Variants in RANBP2 observed in about 807,000 individuals in gnomAD.
The protein encoded by RANBP2 is E3 SUMO-protein ligase RanBP2.
A neutral mutation model predicts 303.6 loss-of-function variants in RANBP2; 57 were observed. That is an observed-to-expected ratio of 0.19 (90% CI 0.15 to 0.23). The LOEUF (loss-of-function observed/expected upper bound fraction) is 0.23, where lower values mean the gene tolerates loss of function less well. Among genes scored for constraint, RANBP2 ranks in the 10% least tolerant of loss-of-function variants. The pLI, the probability that RANBP2 is intolerant of heterozygous loss-of-function variation, is 1.00. For missense variants in RANBP2, 3,138 were observed against 3,780.8 expected, an observed-to-expected ratio of 0.83 and a Z score of 4.46; for synonymous variants, 1,167 against 1,301.5, an observed-to-expected ratio of 0.90 and a Z score of 2.23.
the RANBP2 span, among the ~76,000 whole-genome samples, chr2:109,375,195 C>T: frequency 1.3e-5 from 2 of 152,270 alleles, no homozygotes; most frequent in African/African-American, 4.8e-5. Context: ...GTGCTGTGCT[C>T]ACCGGAGATA....
chr2:108,922,657 C>T, the RANBP2 span, among the ~76,000 whole-genome samples: 1 of 152,266 alleles, frequency 6.6e-6, no homozygotes, highest in Non-Finnish European at 1.5e-5. Flanking sequence ...GGGTCAGCTC[C>T]TCCTCCACCC....
chr2:109,311,502 T>G, the RANBP2 span, among the ~76,000 whole-genome samples: 44,305 of 147,800 alleles, frequency 0.3, 7,849 homozygotes, highest in African/African-American at 0.53. Flanking sequence ...GGGCAATTAG[T>G]CAGGAGAAGG....
chr2:109,411,535 A>C, the RANBP2 span, among the ~76,000 whole-genome samples: 6 of 152,166 alleles, frequency 3.9e-5, no homozygotes, highest in Non-Finnish European at 7.4e-5. Flanking sequence ...AGCAACAGAG[A>C]CCAGATTCAG....
At chr2:109,125,990 C>G in the RANBP2 span, among the ~76,000 whole-genome samples, 1 of 152,188 alleles carries the variant, frequency 6.6e-6, no homozygotes, top group Non-Finnish European at 1.5e-5. Flanking sequence ...TGTTGAACAT[C>G]AGGAGATGTC....
chr2:109,764,223 G>A, the RANBP2 span, among the ~76,000 whole-genome samples: 4 of 149,742 alleles, frequency 2.7e-5, no homozygotes, highest in Admixed American at 6.9e-5. Flanking sequence ...TTCAGCACCC[G>A]ACACTGTAGC....
At chr2:108,786,490 T>C (rs1678738610), downstream of RANBP2, among the ~76,000 whole-genome samples, 1 of 152,150 alleles carries the variant, frequency 6.6e-6, no homozygotes, top group African/African-American at 2.4e-5. Context: ...ACACCAAACT[T>C]AACAGGTTAA....
At chr2:109,729,893 T>C in the RANBP2 span, among the ~76,000 whole-genome samples, 1 of 152,218 alleles carries the variant, frequency 6.6e-6, no homozygotes, top group Middle Eastern at 3.4e-3. Flanking sequence ...CTGACAATCA[T>C]GGTGAAAGGG....
At chr2:109,248,094 A>G in the RANBP2 span, among the ~76,000 whole-genome samples, 1 of 152,178 alleles carries the variant, frequency 6.6e-6, no homozygotes, top group Non-Finnish European at 1.5e-5. Flanking sequence ...GGAGGCTGTT[A>G]CTCTACAATC....
chr2:109,100,074 C>T, the RANBP2 span, among the ~76,000 whole-genome samples: 2 of 152,210 alleles, frequency 1.3e-5, no homozygotes, highest in African/African-American at 4.8e-5. Flanking sequence ...AGTGTTCAAC[C>T]TATCAAGTGT....
At chr2:109,408,952 G>A in the RANBP2 span, among the ~76,000 whole-genome samples, 2 of 152,198 alleles carry the variant, frequency 1.3e-5, no homozygotes, top group Admixed American at 6.5e-5. Flanking sequence ...GGCTCTTCCT[G>A]ATAGAAGAAA....
At chr2:109,615,570 G>GT in the RANBP2 span, 1 of 1,614,078 alleles carries the variant, frequency 6.2e-7, no homozygotes, top group Admixed American at 1.7e-5. Context: ...GAAGCTGCTG[G>GT]TGGGGGCCTA....
the RANBP2 span, among the ~76,000 whole-genome samples, chr2:109,359,509 A>G: frequency 6.6e-6 from 1 of 152,218 alleles, no homozygotes; most frequent in Non-Finnish European, 1.5e-5. Context: ...ATACTTAAGT[A>G]TTTCATTTGT....
At chr2:109,477,225 AC>A in the RANBP2 span, among the ~76,000 whole-genome samples, 2 of 152,122 alleles carry the variant, frequency 1.3e-5, no homozygotes, top group Non-Finnish European at 2.9e-5. Context: ...CGGGTTGCAC[AC>A]CCTCACGTGG....
At chr2:108,815,935 A>C in the RANBP2 span, 1 of 1,594,760 alleles carries the variant, frequency 6.3e-7, no homozygotes, top group Non-Finnish European at 8.5e-7. Flanking sequence ...AATTTTTGAC[A>C]TATAGGTACC....
chr2:109,171,992 G>A, the RANBP2 span, among the ~76,000 whole-genome samples: 2 of 152,190 alleles, frequency 1.3e-5, no homozygotes, highest in Admixed American at 6.5e-5. Context: ...CAGCTGAGTC[G>A]CCCGTTTCCC....
chr2:109,570,917 C>T, the RANBP2 span, among the ~76,000 whole-genome samples: 2 of 152,216 alleles, frequency 1.3e-5, no homozygotes, highest in South Asian at 2.1e-4. Context: ...TTAACCATGG[C>T]GACATGGTTT....
chr2:109,332,272 T>C, the RANBP2 span, among the ~76,000 whole-genome samples: 1 of 152,068 alleles, frequency 6.6e-6, no homozygotes, highest in Non-Finnish European at 1.5e-5. Context: ...TCCGTCTGTT[T>C]CCCTCTGGCA....
At chr2:108,774,377 C>T (rs888335191) in intron 23 of RANBP2, among the ~76,000 whole-genome samples, 1 of 152,016 alleles carries the variant, frequency 6.6e-6, no homozygotes, top group African/African-American at 2.4e-5. Flanking sequence ...GAGGATTGCT[C>T]GGGAGTCCAG....
the RANBP2 span, among the ~76,000 whole-genome samples, chr2:109,519,399 A>C: frequency 1.3e-5 from 2 of 152,230 alleles, no homozygotes; most frequent in Non-Finnish European, 2.9e-5. Context: ...GACACGATCC[A>C]AACCAAATCA....
Sources: allele counts gnomAD v4.1 joint callset (sites outside exome capture counted in the v4.1 genomes callset), GRCh38; gene constraint gnomAD v4.1.1; transcripts MANE v1.5; gene names NCBI Gene and HGNC (gene_info 2026-07-23, HGNC 2026-07-21).